Variants in DROSHA observed in about 807,000 individuals in gnomAD.
DROSHA encodes drosha ribonuclease III.
In DROSHA, 56 loss-of-function variants were observed where a neutral mutation model predicts 181.9. The observed-to-expected ratio is 0.31, with a 90% CI of 0.25 to 0.38. The LOEUF is 0.38. Among genes scored for constraint, DROSHA ranks in the 10% least tolerant of loss-of-function variants. The pLI, the probability that DROSHA is intolerant of heterozygous loss-of-function variation, is 1.00. For missense variants in DROSHA, 1,218 were observed against 1,743.5 expected (o/e 0.70, Z 5.37); for synonymous variants, 524 against 591.2 (o/e 0.89, Z 1.65).
chr5:31,475,294 G>A (rs1750235976), intron 16 of DROSHA, among the ~76,000 whole-genome samples: 1 of 152,140 alleles, frequency 6.6e-6, no homozygotes, highest in Admixed American at 6.5e-5. Context: ...CTCCAACCTG[G>A]AGAACAAAGT....
At chr5:31,423,780 G>GC (rs3838661) in intron 28 of DROSHA, among the ~76,000 whole-genome samples, 80,765 of 151,898 alleles carry the variant, frequency 0.53, 22,820 homozygotes, top group African/African-American at 0.73. Context: ...GGATACATAT[G>GC]ATGTTTACAT....
At chr5:31,498,162 TGCTGACACAG>T (rs1458118838) in intron 11 of DROSHA, among the ~76,000 whole-genome samples, 1 of 152,216 alleles carries the variant, frequency 6.6e-6, no homozygotes, top group African/African-American at 2.4e-5. Context: ...GGTTGTAGAC[TGCTGACACAG>T]GCTGACACGG....
intron 24 of DROSHA, 74 bp from the exon 25 acceptor site, chr5:31,435,938 C>A: frequency 7.3e-7 from 1 of 1,365,862 alleles, no homozygotes; most frequent in Non-Finnish European, 1.0e-6. Flanking sequence ...GTCACAGAAA[C>A]AGGGCTGGCA....
At chr5:31,413,631 C>T (rs1741598882) in intron 30 of DROSHA, among the ~76,000 whole-genome samples, 1 of 152,196 alleles carries the variant, frequency 6.6e-6, no homozygotes, top group African/African-American at 2.4e-5. Flanking sequence ...CGTGCTGCTG[C>T]TGCCCTCAGG....
intron 33 of DROSHA, among the ~76,000 whole-genome samples, chr5:31,407,473 C>T (rs979175273): frequency 4.6e-5 from 7 of 152,072 alleles, no homozygotes; most frequent in South Asian, 2.1e-4. Flanking sequence ...TTGAAAGGTA[C>T]GCTATAATGC....
intron 5 of DROSHA, among the ~76,000 whole-genome samples, chr5:31,523,297 T>C (rs1740112808): frequency 6.6e-6 from 1 of 152,142 alleles, no homozygotes; most frequent in South Asian, 2.1e-4. Context: ...AACTCGAATA[T>C]AAATAAAGCC....
In DROSHA at chr5:31,526,622, T is replaced by G. The variant is rs774960659; in HGVS notation, c.311A>C (p.Asn104Thr). The change falls in exon 5 of 36, where the codon AAC (asparagine) becomes ACC (threonine). Residue 104 changes from asparagine to threonine, a missense_variant. Transcript: ENST00000344624. ...PPCPIRPPFPNHQMRHPFPVP... is the reference protein window; with the variant it reads ...PPCPIRPPFPTHQMRHPFPVP... ...TGGGAAGGGGTGCCTCATCTGGTGG[T>G]TGGGGAAAGGCGGCCTGATTGGGCA... is the stretch of plus-strand genomic sequence containing the variant. The G allele has an allele frequency of 2.7e-6, 4 of 1,494,094 alleles. No individual in the cohort carries two copies. The highest frequency in any genetic ancestry group is 3.5e-6 in the Non-Finnish European group (4 of 1,126,828). The allele number at this position is 1,494,094 out of a possible 1,614,324, so 92.6% of individuals were successfully genotyped here. A position where few individuals can be genotyped will look rare whatever the true frequency, so the allele number is the denominator to read the frequency against.
intron 15 of DROSHA, among the ~76,000 whole-genome samples, chr5:31,483,950 A>G (rs1661247974): frequency 6.6e-6 from 1 of 152,230 alleles, no homozygotes; most frequent in African/African-American, 2.4e-5. Flanking sequence ...GAATTACTGC[A>G]TGATATAATG....
At chr5:31,473,227 G>T (rs894815729) in intron 16 of DROSHA, among the ~76,000 whole-genome samples, 1 of 152,202 alleles carries the variant, frequency 6.6e-6, no homozygotes, top group Admixed American at 6.5e-5. Context: ...GTCCTCCTTG[G>T]TCAGAGGAAT....
At chr5:31,512,865 C>T (rs1202620282) in intron 8 of DROSHA, among the ~76,000 whole-genome samples, 2 of 152,174 alleles carry the variant, frequency 1.3e-5, no homozygotes, top group East Asian at 3.9e-4. Context: ...GTCCTCTGTC[C>T]TCCAGACACA....
chr5:31,495,950 G>A (rs1752929540), intron 11 of DROSHA, among the ~76,000 whole-genome samples: 1 of 152,206 alleles, frequency 6.6e-6, no homozygotes, highest in South Asian at 2.1e-4. Context: ...GGAGAGCGAT[G>A]CCAGGTGTCT....
intron 11 of DROSHA, among the ~76,000 whole-genome samples, chr5:31,504,102 G>A (rs1377764600): frequency 6.6e-6 from 1 of 152,114 alleles, no homozygotes; most frequent in Non-Finnish European, 1.5e-5. Flanking sequence ...TTATTAGAGG[G>A]TCCCTGATAA....
Position 31,449,760 on chromosome 5 carries a change from G to A in DROSHA, c.2683-341C>T, listed in dbSNP as rs181026572. 2.6e-3 allele frequency among the ~76,000 whole-genome samples: 392 copies of A among 152,132 alleles called. 3 individuals carry two copies. Among genetic ancestry groups the A allele is most frequent in the South Asian group, 0.023 (112 of 4,816 alleles). On this transcript the variant is annotated intron_variant, in intron 21 of 35. Transcript: ENST00000344624. The stretch of plus-strand genomic sequence containing the variant: ...AAAACAAAACAAAAACTCAGCATGG[G>A]AGCACCATCTTTGTATCATCCCAAA...
At chr5:31,479,677 G>A (rs1318105874) in intron 16 of DROSHA, among the ~76,000 whole-genome samples, 5 of 151,682 alleles carry the variant, frequency 3.3e-5, no homozygotes, top group African/African-American at 1.2e-4. Flanking sequence ...TACAGAGAAG[G>A]TATTAGATAT....
intron 13 of DROSHA, among the ~76,000 whole-genome samples, chr5:31,489,620 A>T (rs927824820): frequency 1.3e-5 from 2 of 152,222 alleles, no homozygotes; most frequent in Admixed American, 1.3e-4. Flanking sequence ...ATCATGTTTG[A>T]ATACTTAAAA....
At chr5:31,469,065 A>G (rs6450845) in intron 17 of DROSHA, among the ~76,000 whole-genome samples, 25,728 of 152,192 alleles carry the variant, frequency 0.17, 5,066 homozygotes, top group African/African-American at 0.48. Context: ...AGGTGACAAA[A>G]GGGATAAACT....
Position 31,492,732 on chromosome 5 carries a change from A to G in DROSHA, c.1842+475T>C, listed in dbSNP as rs75072832. On this transcript the variant is annotated intron_variant, in intron 13 of 35. Transcript: ENST00000344624. ...GACTTAATACCTGTATAAAAATATCATGAATCCATATGTCAAAGTGTCTTG... is the reference window on the plus strand; with the variant it reads ...GACTTAATACCTGTATAAAAATATCGTGAATCCATATGTCAAAGTGTCTTG... Among the ~76,000 whole-genome samples the G allele has an allele frequency of 2.0e-4, 31 of 152,346 alleles. No homozygotes were observed. In the East Asian group the frequency reaches 6.0e-3, roughly 29 times the overall value.
Position 31,409,643 on chromosome 5 carries a change from T to C in DROSHA, c.3668-311A>G, listed in dbSNP as rs977380881. 8.7e-5 allele frequency: 22 copies of C among 254,228 alleles called. No individual in the cohort carries two copies. Among genetic ancestry groups the C allele is most frequent in the Non-Finnish European group, 1.4e-4 (19 of 131,240 alleles). The allele number at this position is 254,228 out of a possible 1,614,324, so 15.7% of individuals were successfully genotyped here. ...AAAAATGCTGAGCACCCAACCCTGT[T>C]CACATCAAATAAGTCAAAATATTAC... On this transcript the variant is annotated intron_variant, in intron 31 of 35. Coordinates refer to ENST00000344624, the MANE Select transcript of DROSHA (RefSeq NM_001382508.1). This position sits in a 1 kb window ranked among gnomAD's most constrained non-coding sequence, Gnocchi z 4.0.
intron 21 of DROSHA, among the ~76,000 whole-genome samples, chr5:31,450,829 T>C (rs1746897453): frequency 6.6e-6 from 1 of 152,030 alleles, no homozygotes; most frequent in Non-Finnish European, 1.5e-5. Context: ...TTGAAAAAAA[T>C]TTTAAAGTGG....
Sources: allele counts gnomAD v4.1 joint callset (sites outside exome capture counted in the v4.1 genomes callset), GRCh38; gene constraint gnomAD v4.1.1; non-coding constraint Gnocchi (gnomAD v3.1); transcripts MANE v1.5; gene names NCBI Gene and HGNC (gene_info 2026-07-23, HGNC 2026-07-21).